The following SERPINB9 variants were observed in gnomAD, a reference collection of about 807,000 sequenced individuals.
SERPINB9 encodes the protein serpin B9.
Under a neutral mutation model 27.2 loss-of-function variants are expected in SERPINB9, and 20 were observed. That is an observed-to-expected ratio of 0.74 (90% CI 0.52 to 1.07). SERPINB9 has a LOEUF of 1.07. Ranked by LOEUF, SERPINB9 falls within the 50% of genes least tolerant of loss-of-function variation. The pLI is 0.00. For missense variants in SERPINB9, 476 were observed against 460.1 expected (o/e 1.03, Z -0.32); for synonymous variants, 189 against 180.0 (o/e 1.05, Z -0.40).
intron 5 of SERPINB9, 131 bp from the exon 6 acceptor site, chr6:2,892,119 A>C (rs1767828960): frequency 2.5e-6 from 2 of 812,470 alleles, no homozygotes; most frequent in African/African-American, 1.8e-5. Context: ...AAAAAAAAAA[A>C]AAAAAAAAAA....
Position 2,891,995 on chromosome 6 carries a change from G to A in SERPINB9, c.568-7C>T. 5 of 1,611,802 alleles carry A rather than the reference G, an allele frequency of 3.1e-6. No homozygotes were observed. The highest frequency in any genetic ancestry group is 4.2e-6 in the Non-Finnish European group (5 of 1,179,384). ...GCACTGGCCTTTGCTCCTCCTGGGG[G>A]AAGGATTATTGAAAGACGCAATTAA... On this transcript the variant is annotated splice_region_variant and splice_polypyrimidine_tract_variant and intron_variant, in intron 5 of 6. Coordinates refer to ENST00000380698, the MANE Select transcript of SERPINB9 (RefSeq NM_004155.6). This position sits in a 1 kb window ranked among gnomAD's most constrained non-coding sequence, Gnocchi z 4.0.
chr6:2,895,620 C>T, intron 3 of SERPINB9, 112 bp from the exon 4 acceptor site: 3 of 703,298 alleles, frequency 4.3e-6, no homozygotes, highest in Non-Finnish European at 7.3e-6. Context: ...ATACATAACT[C>T]TTTAAAAGTG....
chr6:2,890,213 G>A lies in SERPINB9; in HGVS notation c.1081C>T (p.His361Tyr), dbSNP rs370465712. 5.0e-6 allele frequency: 8 copies of A among 1,614,090 alleles called. No homozygotes were observed. The highest frequency in any genetic ancestry group is 1.3e-5 in the African/African-American group (1 of 74,930). ...ADHPFLFFIRHNRANSILFCG... is the reference protein window; with the variant it reads ...ADHPFLFFIRYNRANSILFCG... The stretch of plus-strand genomic sequence containing the variant: ...AACAGAATGCTGTTGGCTCTGTTGT[G>A]CCTGATGAAGAAAAGGAAAGGGTGG... Residue 361 changes from histidine to tyrosine, a missense_variant, in exon 7 of 7, where the codon CAC (histidine) becomes TAC (tyrosine). Physicochemically the swap from His to Tyr is moderately conservative, Grantham distance 83. Transcript: ENST00000380698. This position sits in a 1 kb window ranked among gnomAD's most constrained non-coding sequence, Gnocchi z 6.2.
At position 2,891,925 on chromosome 6, in the gene SERPINB9, C is replaced by A; in HGVS notation, c.631G>T (p.Glu211Ter). 1 of 1,613,464 alleles carries A rather than the reference C, an allele frequency of 6.2e-7. No homozygotes were observed. Among genetic ancestry groups the A allele is most frequent in the Non-Finnish European group, 8.5e-7 (1 of 1,179,914 alleles). Reference protein sequence around the residue: ...EATFKLAHVGEVRAQLLELPY... With the variant: ...EATFKLAHVG ...AGCTCCAGCAGCTGCGCGCGCACCT[C>A]GCCCACGTGGGCGAGCTTAAACGTG... Residue 211 changes from glutamate to a stop codon, truncating the protein, a stop_gained, in exon 6 of 7, where the codon GAG becomes TAG. Transcript: ENST00000380698. LOFTEE classifies it high-confidence loss of function. This position sits in a 1 kb window ranked among gnomAD's most constrained non-coding sequence, Gnocchi z 4.0.
intron 1 of SERPINB9, among the ~76,000 whole-genome samples, chr6:2,902,484 A>AT (rs1387572321): frequency 6.6e-6 from 1 of 151,900 alleles, no homozygotes; most frequent in Admixed American, 6.5e-5. Flanking sequence ...TGGTGGCTTT[A>AT]TTTTTTTGTT....
chr6:2,891,864 A>G lies in SERPINB9; in HGVS notation c.692T>C (p.Leu231Pro). The G allele has an allele frequency of 6.2e-7, 1 of 1,610,144 alleles. No homozygotes were observed. Among genetic ancestry groups the G allele is most frequent in the East Asian group, 2.2e-5 (1 of 44,844 alleles). The change falls in exon 6 of 7, where the codon CTG (leucine) becomes CCG (proline). Residue 231 changes from leucine (L) to proline (P), a missense_variant. Transcript: ENST00000380698. This position sits in a 1 kb window ranked among gnomAD's most constrained non-coding sequence, Gnocchi z 4.0. ...YARKELSLLV[L>P]LPDDGVELST... is the part of the protein sequence containing the mutation. ...GAGCTCCACGCCGTCGTCAGGCAGC[A>G]GCACCAGCAGGCTCAGCTCCTTCCT...
intron 2 of SERPINB9, 103 bp downstream of exon 2, chr6:2,900,341 G>T: frequency 7.0e-7 from 1 of 1,437,960 alleles, no homozygotes; most frequent in South Asian, 1.3e-5. Flanking sequence ...TCGGGCCCCA[G>T]TCCTGCCCTC....
rs149414030 is a variant in SERPINB9 at position 2,890,999 on chromosome 6, T to C, written c.724-429A>G. ...GGATTATCTGTCCCAGGTGAGATTCTGCATAGTTTCCGGAGCAGAGAGGTT... is the reference window on the plus strand; with the variant it reads ...GGATTATCTGTCCCAGGTGAGATTCCGCATAGTTTCCGGAGCAGAGAGGTT... On this transcript the variant is annotated intron_variant, in intron 6 of 6. Transcript: ENST00000380698. The surrounding 1 kb of genome is among the most constrained non-coding windows in gnomAD (Gnocchi z 6.2). Among the ~76,000 whole-genome samples, 29 of 152,354 alleles carry C rather than the reference T, an allele frequency of 1.9e-4. No individual in the cohort carries two copies. The highest frequency in any genetic ancestry group is 6.5e-4 in the Admixed American group (10 of 15,310).
At chr6:2,893,177 T>C (rs1024721566) in intron 5 of SERPINB9, among the ~76,000 whole-genome samples, 3 of 32,450 alleles carry the variant, frequency 9.2e-5, no homozygotes, top group Admixed American at 3.1e-4. Flanking sequence ...AGAGCAGTGA[T>C]AAAACACTAC....
chr6:2,888,021 T>C lies in SERPINB9; in HGVS notation c.*2142A>G, dbSNP rs1224942441. On this transcript the variant is annotated 3_prime_UTR_variant, in exon 7 of 7. Transcript: ENST00000380698. ...AAATGTCTTTCATCTCATTTTTTAC[T>C]CAGCATTATCTATCAAAGGGACTGG... The C allele has an allele frequency of 6.6e-6, 1 of 152,332 alleles. No individual in the cohort carries two copies. The highest frequency in any genetic ancestry group is 1.9e-4 in the East Asian group (1 of 5,190). The allele number at this position is 152,332 out of a possible 1,614,324, so 9.4% of individuals were successfully genotyped here. A position where few individuals can be genotyped will look rare whatever the true frequency, so the allele number is the denominator to read the frequency against.
chr6:2,890,570 C>A lies in SERPINB9; in HGVS notation c.724G>T (p.Val242Leu). ...LPDDGVELST[V>L]EKSLTFEKLT... is the part of the protein sequence containing the mutation. ...TTCTCAAAAGTGAGACTTTTTTCCA[C>A]CTGAAAGACCAGAATTAGACTTTAA... Residue 242 changes from valine to leucine, a missense_variant and splice_region_variant, in exon 7 of 7, where the codon GTG becomes TTG. Val to Leu is a conservative substitution (Grantham distance 32). Transcript: ENST00000380698. The surrounding 1 kb of genome is among the most constrained non-coding windows in gnomAD (Gnocchi z 6.2). The A allele has an allele frequency of 6.2e-7, 1 of 1,605,298 alleles. No individual in the cohort carries two copies. Among genetic ancestry groups the A allele is most frequent in the Non-Finnish European group, 8.5e-7 (1 of 1,173,406 alleles).
chr6:2,901,978 T>G (rs1768220239), intron 1 of SERPINB9, among the ~76,000 whole-genome samples: 1 of 152,086 alleles, frequency 6.6e-6, no homozygotes, highest in South Asian at 2.1e-4. Context: ...AAGCGGTGTC[T>G]TAATCCTCTT....
intron 1 of SERPINB9, among the ~76,000 whole-genome samples, chr6:2,901,369 A>G (rs1768196623): frequency 6.6e-6 from 1 of 152,182 alleles, no homozygotes; most frequent in Non-Finnish European, 1.5e-5. Context: ...TTTTGTTTTT[A>G]ATGTGCTTCC....
intron 3 of SERPINB9, 72 bp from the exon 4 acceptor site, chr6:2,895,580 AATATGTT>A (rs1767968290): frequency 1.1e-6 from 1 of 889,664 alleles, no homozygotes; most frequent in African/African-American, 1.7e-5. Context: ...AAAAATTCTA[AATATGTT>A]ATCTTTTTTT....
Position 2,890,312 on chromosome 6 carries a change from C to T in SERPINB9, c.982G>A (p.Glu328Lys), listed in dbSNP as rs375600576. ...AAGCAGCTCGACGCTGCCGCTGCCT[C>T]GGTGCCTTCTTCATTCACCTCCACA... is the stretch of plus-strand genomic sequence containing the variant. The part of the protein sequence containing the change: ...SFVEVNEEGT[E>K]AAAASSCFVV... Residue 328 changes from glutamate to lysine, a missense_variant, in exon 7 of 7, where the codon GAG becomes AAG. Physicochemically the swap from Glu to Lys is moderately conservative, Grantham distance 56. Transcript: ENST00000380698. This position sits in a 1 kb window ranked among gnomAD's most constrained non-coding sequence, Gnocchi z 6.2. The T allele has an allele frequency of 1.9e-6, 3 of 1,614,082 alleles. No homozygotes were observed. The highest frequency in any genetic ancestry group is 3.3e-5 in the Admixed American group (2 of 60,008).
In SERPINB9 at chr6:2,900,432, G is replaced by A. The variant is rs549241941; in HGVS notation, c.168+12C>T. On this transcript the variant is annotated intron_variant, in intron 2 of 6. Coordinates refer to ENST00000380698, the MANE Select transcript of SERPINB9 (RefSeq NM_004155.6). ...AGGCCAGTCCCTGCTCCTGGCGGAC[G>A]GGCAAGCTTACCTGGGCCATCTGGG... 3.2e-5 allele frequency: 51 copies of A among 1,613,186 alleles called. No homozygotes were observed. The highest frequency in any genetic ancestry group is 1.9e-4 in the African/African-American group (14 of 75,008).
Position 2,898,852 on chromosome 6 carries a change from T to C in SERPINB9, c.168+1592A>G, listed in dbSNP as rs147451279. ...AGAAATAGGACTGGAGGAAGATGCT[T>C]TACATTATCAAGGGTGGTTGTCTCT... On this transcript the variant is annotated intron_variant, in intron 2 of 6. Transcript: ENST00000380698. Among the ~76,000 whole-genome samples the C allele has an allele frequency of 4.7e-3, 714 of 152,174 alleles. 5 individuals are homozygous for C. Among genetic ancestry groups the C allele is most frequent in the Non-Finnish European group, 7.8e-3 (531 of 67,986 alleles).
chr6:2,900,361 T>C (rs1768155051), intron 2 of SERPINB9, 83 bp downstream of exon 2: 1 of 1,514,000 alleles, frequency 6.6e-7, no homozygotes, highest in Non-Finnish European at 9.0e-7. Flanking sequence ...CCTTTCTCAG[T>C]GGCTCTGGAG....
rs376348560 is a variant in SERPINB9 at position 2,891,073 on chromosome 6, T to C, written c.724-503A>G. 2.0e-5 allele frequency among the ~76,000 whole-genome samples: 3 copies of C among 152,148 alleles called. No individual in the cohort carries two copies. The highest frequency in any genetic ancestry group is 3.8e-4 in the East Asian group (2 of 5,196). On this transcript the variant is annotated intron_variant, in intron 6 of 6. Coordinates refer to ENST00000380698, the MANE Select transcript of SERPINB9 (RefSeq NM_004155.6). This position sits in a 1 kb window ranked among gnomAD's most constrained non-coding sequence, Gnocchi z 4.0. Reference sequence around the variant, plus strand: ...GAGATTCTGCATAGTTTCCGGAGCATAGTTTCAGGAAGGTGGGCAGAGGGA... The same window carrying C: ...GAGATTCTGCATAGTTTCCGGAGCACAGTTTCAGGAAGGTGGGCAGAGGGA...
Sources: allele counts gnomAD v4.1 joint callset (sites outside exome capture counted in the v4.1 genomes callset), GRCh38; gene constraint gnomAD v4.1.1; non-coding constraint Gnocchi (gnomAD v3.1); transcripts MANE v1.5; gene names NCBI Gene and HGNC (gene_info 2026-07-23, HGNC 2026-07-21).